ARHGEF10: variants seen among roughly 807,000 people sequenced by gnomAD.
ARHGEF10 encodes Rho guanine nucleotide exchange factor 10.
Under a neutral mutation model 147.4 loss-of-function variants are expected in ARHGEF10, and 140 were observed. The observed-to-expected ratio is 0.95, with a 90% CI of 0.83 to 1.09. The LOEUF is 1.09. Among genes scored for constraint, ARHGEF10 ranks in the 50% least tolerant of loss-of-function variants. The pLI, the probability that ARHGEF10 is intolerant of heterozygous loss-of-function variation, is 0.00. For missense variants in ARHGEF10, 2,222 were observed against 1,752.7 expected (o/e 1.27, Z -4.78); for synonymous variants, 902 against 695.8 (o/e 1.30, Z -4.67).
chr8:1,831,716 C>T (rs17064300), intron 1 of ARHGEF10, among the ~76,000 whole-genome samples: 9,699 of 152,270 alleles, frequency 0.064, 354 homozygotes, highest in African/African-American at 0.1. Flanking sequence ...TCCTGTGCTG[C>T]GGCTCATGTA....
intron 18 of ARHGEF10, among the ~76,000 whole-genome samples, chr8:1,913,877 C>T (rs1050955069): frequency 6.6e-6 from 1 of 152,184 alleles, no homozygotes; most frequent in African/African-American, 2.4e-5. Flanking sequence ...GCTGGAGGAG[C>T]TGCCAGCAAG....
chr8:1,861,360 C>T (rs1304429643), intron 4 of ARHGEF10, among the ~76,000 whole-genome samples: 2 of 152,244 alleles, frequency 1.3e-5, no homozygotes, highest in East Asian at 1.9e-4. Context: ...CTCCTGCCGG[C>T]CCTGCTGTAG....
At chr8:1,863,703 C>G (rs891584399) in intron 4 of ARHGEF10, among the ~76,000 whole-genome samples, 1 of 152,078 alleles carries the variant, frequency 6.6e-6, no homozygotes. Context: ...CTCAGGCTGT[C>G]CTTGGATGGT....
chr8:1,841,215 G>A (rs1182049038), intron 1 of ARHGEF10, among the ~76,000 whole-genome samples: 2 of 152,072 alleles, frequency 1.3e-5, no homozygotes, highest in Non-Finnish European at 2.9e-5. Context: ...CAGTACCTAC[G>A]TCTTGGAGTT....
At position 1,896,329 on chromosome 8, in the gene ARHGEF10, T is replaced by G. The variant is rs755014309; in HGVS notation, c.1441-4T>G. 11 of 1,605,730 alleles carry G rather than the reference T, an allele frequency of 6.9e-6. No homozygotes were observed. The South Asian group carries it at 1.2e-4, about 18-fold the overall frequency. On this transcript the variant is annotated splice_polypyrimidine_tract_variant and splice_region_variant and intron_variant, in intron 13 of 28. Transcript: ENST00000349830. ...TTCTCTCTGAATTTCCTCCTGTGTT[T>G]CAGTTTTCTAAGTCCATGGTGCTGG...
chr8:1,943,078 G>A (rs546058519), intron 26 of ARHGEF10, among the ~76,000 whole-genome samples: 5 of 152,248 alleles, frequency 3.3e-5, no homozygotes, highest in African/African-American at 1.2e-4. Flanking sequence ...GTTTTCAAAA[G>A]GAGGTGGCAG....
At chr8:1,950,235 G>A (rs1212922016) in intron 27 of ARHGEF10, among the ~76,000 whole-genome samples, 1 of 152,180 alleles carries the variant, frequency 6.6e-6, no homozygotes. Flanking sequence ...TCTGGGACAC[G>A]CCCTGCTGTC....
At chr8:1,840,377 A>G (rs1210078396) in intron 1 of ARHGEF10, among the ~76,000 whole-genome samples, 1 of 117,550 alleles carries the variant, frequency 8.5e-6, no homozygotes, top group Non-Finnish European at 1.7e-5. Flanking sequence ...CGATATGGGG[A>G]CTGTCTGGTG....
intron 1 of ARHGEF10, among the ~76,000 whole-genome samples, chr8:1,827,985 C>G (rs1409711769): frequency 6.6e-6 from 1 of 152,180 alleles, no homozygotes; most frequent in Non-Finnish European, 1.5e-5. Flanking sequence ...TCAGCATTGG[C>G]TAGTTACCAA....
Position 1,843,352 on chromosome 8 carries a change from G to A in ARHGEF10, c.-47-1G>A. The A allele has an allele frequency of 6.2e-7, 1 of 1,611,372 alleles. No homozygotes were observed. The highest frequency in any genetic ancestry group is 8.5e-7 in the Non-Finnish European group (1 of 1,179,574). Reference sequence around the variant, plus strand: ...ACAAGCAGTGTCTCTCCTTCTTGCAGGAGCTCCTTCCCTTAACAGAGCTGA... The same window carrying A: ...ACAAGCAGTGTCTCTCCTTCTTGCAAGAGCTCCTTCCCTTAACAGAGCTGA... On this transcript the variant is annotated splice_acceptor_variant, in intron 1 of 28. Coordinates refer to ENST00000349830, the MANE Select transcript of ARHGEF10 (RefSeq NM_014629.4). LOFTEE classifies it low-confidence loss of function (5UTR_SPLICE).
chr8:1,953,768 A>G (rs1357623024), intron 28 of ARHGEF10, among the ~76,000 whole-genome samples: 1 of 152,192 alleles, frequency 6.6e-6, no homozygotes, highest in Admixed American at 6.5e-5. Flanking sequence ...AGTGACGCGG[A>G]AAACTCCTCG....
rs750331018 is a variant in ARHGEF10, at chr8:1,880,034, T to G, written c.844-14T>G. The G allele has an allele frequency of 6.4e-7, 1 of 1,567,054 alleles. No homozygotes were observed. Among genetic ancestry groups the G allele is most frequent in the East Asian group, 2.2e-5 (1 of 44,640 alleles). ...AGCCTTTTTGTGAAAAGACTGTGTC[T>G]CTTTATGCTGTAGCTTTCTCATGAC... is the stretch of plus-strand genomic sequence containing the variant. On this transcript the variant is annotated splice_polypyrimidine_tract_variant and intron_variant, in intron 8 of 28. Transcript: ENST00000349830.
At chr8:1,877,497 G>A (rs1807808252) in intron 8 of ARHGEF10, among the ~76,000 whole-genome samples, 1 of 152,176 alleles carries the variant, frequency 6.6e-6, no homozygotes, top group African/African-American at 2.4e-5. Context: ...CAAAGTGCTG[G>A]GATTGCAGGT....
intron 18 of ARHGEF10, among the ~76,000 whole-genome samples, chr8:1,917,244 C>T (rs1191072969): frequency 1.3e-5 from 2 of 152,204 alleles, no homozygotes; most frequent in African/African-American, 4.8e-5. Context: ...TCCCCAGTTT[C>T]CATTTCTACT....
At chr8:1,924,973 G>A (rs942073835) in intron 21 of ARHGEF10, among the ~76,000 whole-genome samples, 3 of 152,220 alleles carry the variant, frequency 2.0e-5, no homozygotes, top group African/African-American at 7.2e-5. Context: ...GAAAGATAAA[G>A]GGAAGTGGAC....
At chr8:1,848,602 T>C (rs971816836) in intron 2 of ARHGEF10, among the ~76,000 whole-genome samples, 1 of 152,232 alleles carries the variant, frequency 6.6e-6, no homozygotes. Context: ...TTTCAGGTAC[T>C]ACAAATGACT....
At position 1,925,378 on chromosome 8, in the gene ARHGEF10, A is replaced by C; in HGVS notation, c.2584A>C (p.Met862Leu). The change falls in exon 22 of 29, where the codon ATG becomes CTG. Residue 862 changes from methionine to leucine, a missense_variant. Met to Leu is a conservative substitution (Grantham distance 15). Transcript: ENST00000349830. The stretch of plus-strand genomic sequence containing the variant: ...TCTCCTCGTCGGACACATGCCCGTG[A>C]TGGTGGCCAAGCAGCAGGAGTTCAA... ...HPLLVGHMPV[M>L]VAKQQEFKIE... is the part of the protein sequence containing the mutation. 6.2e-7 allele frequency: 1 copy of C among 1,614,152 alleles called. No individual in the cohort carries two copies. The highest frequency in any genetic ancestry group is 8.5e-7 in the Non-Finnish European group (1 of 1,180,034).
rs1257310024 is a variant in ARHGEF10, at chr8:1,927,921, A to G, written c.2698-506A>G. The stretch of plus-strand genomic sequence containing the variant: ...ATGCCATTGCACTCCAGCCTGGGTG[A>G]CAGAGTGAGACTGTCTCCAAAAAAA... On this transcript the variant is annotated intron_variant, in intron 23 of 28. Coordinates refer to ENST00000349830, the MANE Select transcript of ARHGEF10 (RefSeq NM_014629.4). Among the ~76,000 whole-genome samples, 7 of 152,268 alleles carry G rather than the reference A, an allele frequency of 4.6e-5. No individual in the cohort carries two copies. In the Middle Eastern group the frequency reaches 0.01, roughly 222 times the overall value.
chr8:1,879,557 C>CT (rs11396190), intron 8 of ARHGEF10, among the ~76,000 whole-genome samples: 33,419 of 144,620 alleles, frequency 0.23, 3,981 homozygotes, highest in African/African-American at 0.3. Flanking sequence ...ATTTATCTCT[C>CT]TTTTTTTTTT....
Sources: gnomAD v4.1 joint callset for allele counts (sites outside exome capture counted in the v4.1 genomes callset) on GRCh38, gnomAD v4.1.1 for gene constraint, MANE v1.5 for transcripts, NCBI Gene and HGNC (gene_info 2026-07-23, HGNC 2026-07-21) for gene names.